CSMD1: variants seen among roughly 807,000 people sequenced by gnomAD.
CSMD1 encodes the protein CUB and sushi domain-containing protein 1.
Under a neutral mutation model 417.5 loss-of-function variants are expected in CSMD1, and 213 were observed. That is an observed-to-expected ratio of 0.51 (90% confidence interval 0.46 to 0.57). CSMD1 has a LOEUF of 0.57. Ranked by LOEUF, CSMD1 falls within the 20% of genes least tolerant of loss-of-function variation. CSMD1 has a pLI of 0.00. For missense variants in CSMD1, 6,923 were observed against 4,529.7 expected (o/e 1.53, Z -15.17); for synonymous variants, 2,862 against 1,736.8 (o/e 1.65, Z -16.11).
chr8:4,155,016 A>G (rs1393659649), intron 3 of CSMD1, among the ~76,000 whole-genome samples: 2 of 152,186 alleles, frequency 1.3e-5, no homozygotes, highest in Non-Finnish European at 2.9e-5. Flanking sequence ...CTGCAGTGAT[A>G]AACCTCATCA....
At position 3,943,423 on chromosome 8, in the gene CSMD1, T is replaced by TAAA. The variant is rs5889003; in HGVS notation, c.818+54477_818+54479dup. On this transcript the variant is annotated intron_variant, in intron 5 of 69. Coordinates refer to ENST00000635120, the MANE Select transcript of CSMD1 (RefSeq NM_033225.6). ...GTCTTATAAGTTGTTTTTTTTTCAT[T>TAAA]AAAAAAAAAAAAACAGAATTCCAGC... Among the ~76,000 whole-genome samples, 133 of 137,156 alleles carry TAAA rather than the reference T, an allele frequency of 9.7e-4. 1 individual carries two copies. The highest frequency in any genetic ancestry group is 3.1e-3 in the African/African-American group (116 of 36,916). 90.0% of individuals were successfully genotyped at this position (137,156 alleles called of 152,430 possible).
At chr8:4,988,763 T>C (rs1361717236) in intron 1 of CSMD1, among the ~76,000 whole-genome samples, 2 of 152,214 alleles carry the variant, frequency 1.3e-5, no homozygotes, top group Non-Finnish European at 2.9e-5. Flanking sequence ...TAAAGAAAAT[T>C]GCAACTGAGC....
chr8:3,678,209 G>A (rs1563264204), intron 7 of CSMD1, among the ~76,000 whole-genome samples: 1 of 152,202 alleles, frequency 6.6e-6, no homozygotes, highest in Non-Finnish European at 1.5e-5. Flanking sequence ...TGAGCTGAGA[G>A]AAGAAGGTTT....
At chr8:4,800,618 A>T (rs1242680114) in intron 1 of CSMD1, among the ~76,000 whole-genome samples, 1 of 152,226 alleles carries the variant, frequency 6.6e-6, no homozygotes, top group Non-Finnish European at 1.5e-5. Flanking sequence ...GGGTAGAGTC[A>T]CAGACCCATC....
At chr8:3,256,777 A>G (rs57483665) in intron 26 of CSMD1, among the ~76,000 whole-genome samples, 4,555 of 152,304 alleles carry the variant, frequency 0.03, 211 homozygotes, top group African/African-American at 0.1. Context: ...TGTGTATGTT[A>G]TTTAACCAAA....
chr8:3,998,505 C>G (rs1815401751), intron 4 of CSMD1, among the ~76,000 whole-genome samples: 1 of 152,124 alleles, frequency 6.6e-6, no homozygotes, highest in Non-Finnish European at 1.5e-5. Context: ...TCATGGATAC[C>G]TGGCTTTGAG....
At chr8:3,011,017 C>T (rs950778748) in intron 52 of CSMD1, among the ~76,000 whole-genome samples, 25 of 152,100 alleles carry the variant, frequency 1.6e-4, no homozygotes, top group Non-Finnish European at 2.1e-4. Flanking sequence ...TGAGCCACCG[C>T]GCCCTGCCTA....
At chr8:3,144,352 T>C (rs117168918) in intron 40 of CSMD1, among the ~76,000 whole-genome samples, 1 of 152,138 alleles carries the variant, frequency 6.6e-6, no homozygotes, top group East Asian at 1.9e-4. Flanking sequence ...GAAAATCAGT[T>C]TGTATTATGT....
intron 2 of CSMD1, among the ~76,000 whole-genome samples, chr8:4,635,533 T>C (rs1802769513): frequency 6.6e-6 from 1 of 152,102 alleles, no homozygotes. Context: ...AATGGAAACA[T>C]TTTTAAGAGA....
chr8:3,950,166 G>C (rs926318703), intron 5 of CSMD1, among the ~76,000 whole-genome samples: 1 of 152,132 alleles, frequency 6.6e-6, no homozygotes, highest in African/African-American at 2.4e-5. Flanking sequence ...ACAGAAGAAA[G>C]GTAAACCACA....
At chr8:4,623,723 A>G (rs975494796) in intron 2 of CSMD1, among the ~76,000 whole-genome samples, 2 of 152,036 alleles carry the variant, frequency 1.3e-5, no homozygotes, top group African/African-American at 4.8e-5. Context: ...GAAGTTAGGC[A>G]TATACAGATG....
chr8:3,844,523 T>A (rs547255272), intron 5 of CSMD1, among the ~76,000 whole-genome samples: 1 of 152,220 alleles, frequency 6.6e-6, no homozygotes, highest in Non-Finnish European at 1.5e-5. Flanking sequence ...TCATCATCTT[T>A]TAGCAGAATT....
intron 5 of CSMD1, among the ~76,000 whole-genome samples, chr8:3,916,783 C>G (rs921309581): frequency 6.6e-6 from 1 of 151,944 alleles, no homozygotes; most frequent in Non-Finnish European, 1.5e-5. Context: ...TTGAGTGGCT[C>G]AATTTCAAAA....
At chr8:4,063,197 T>G (rs1799070788) in intron 3 of CSMD1, among the ~76,000 whole-genome samples, 1 of 152,176 alleles carries the variant, frequency 6.6e-6, no homozygotes, top group Non-Finnish European at 1.5e-5. Context: ...ATAATTATCC[T>G]GATTTGATCA....
chr8:4,813,748 T>A (rs1008470760), intron 1 of CSMD1, among the ~76,000 whole-genome samples: 1 of 152,186 alleles, frequency 6.6e-6, no homozygotes, highest in African/African-American at 2.4e-5. Context: ...ATACAGACTT[T>A]AAGAAAATGC....
At chr8:3,352,424 AG>A (rs1392317071) in intron 21 of CSMD1, among the ~76,000 whole-genome samples, 2 of 152,242 alleles carry the variant, frequency 1.3e-5, no homozygotes, top group African/African-American at 4.8e-5. Flanking sequence ...TATCTTTGAA[AG>A]TTCAAATAAA....
intron 37 of CSMD1, among the ~76,000 whole-genome samples, chr8:3,165,228 G>C (rs1820133456): frequency 1.3e-5 from 2 of 152,010 alleles, no homozygotes; most frequent in Admixed American, 6.6e-5. Flanking sequence ...GTATGTGTAA[G>C]AATATTTTTT....
At chr8:3,426,844 C>T (rs962032114) in intron 12 of CSMD1, among the ~76,000 whole-genome samples, 3 of 152,068 alleles carry the variant, frequency 2.0e-5, no homozygotes, top group African/African-American at 4.8e-5. Flanking sequence ...CATATTTGTA[C>T]TACTATAAGG....
At chr8:3,702,249 C>T (rs1321805887) in intron 7 of CSMD1, 3 of 152,194 alleles carry the variant, frequency 2.0e-5, no homozygotes, top group Non-Finnish European at 4.4e-5. Flanking sequence ...CTCCTCCGTA[C>T]ACAGCATGTC....
Sources: gnomAD v4.1 joint callset for allele counts (sites outside exome capture counted in the v4.1 genomes callset) on GRCh38, gnomAD v4.1.1 for gene constraint, MANE v1.5 for transcripts, NCBI Gene and HGNC (gene_info 2026-07-23, HGNC 2026-07-21) for gene names.